BCKDHB: variants seen among roughly 807,000 people sequenced by gnomAD.
The protein encoded by BCKDHB is 2-oxoisovalerate dehydrogenase subunit beta, mitochondrial.
A neutral mutation model predicts 48.5 loss-of-function variants in BCKDHB; 41 were observed. The ratio of observed to expected loss-of-function variants is 0.85; its 90% confidence interval spans 0.66 to 1.10. The LOEUF is 1.10. BCKDHB is among the 50% of genes least tolerant of loss of function. The probability of loss-of-function intolerance (pLI) is 0.00; values close to 1 mark genes in which losing one functional copy is unlikely to be tolerated. For synonymous variants in BCKDHB, 201 were observed against 174.8 expected, an observed-to-expected ratio of 1.15 and a Z score of -1.18; for missense variants, 496 against 494.2, an observed-to-expected ratio of 1.00 and a Z score of -0.03.
At chr6:80,221,458 T>C (rs1775449567) in intron 8 of BCKDHB, among the ~76,000 whole-genome samples, 2 of 152,220 alleles carry the variant, frequency 1.3e-5, no homozygotes, top group South Asian at 4.1e-4. Context: ...TCTTATTTTT[T>C]AATAGGCAGC....
intron 9 of BCKDHB, among the ~76,000 whole-genome samples, chr6:80,307,180 C>T (rs1767924035): frequency 6.6e-6 from 1 of 152,138 alleles, no homozygotes; most frequent in Admixed American, 6.5e-5. Flanking sequence ...ATACAGACTG[C>T]AGTTAGAACC....
intron 9 of BCKDHB, among the ~76,000 whole-genome samples, chr6:80,320,293 C>A (rs905117400): frequency 2.3e-4 from 35 of 152,208 alleles, no homozygotes; most frequent in African/African-American, 8.2e-4. Context: ...TTGATAATTT[C>A]TTATTTCACC....
chr6:80,414,707 C>T, the BCKDHB span, among the ~76,000 whole-genome samples: 2 of 152,052 alleles, frequency 1.3e-5, no homozygotes, highest in Non-Finnish European at 1.5e-5. Flanking sequence ...CAGCCGTGTT[C>T]TTTTTGATTA....
At chr6:80,278,206 C>T (rs1002105413) in intron 9 of BCKDHB, among the ~76,000 whole-genome samples, 5 of 152,138 alleles carry the variant, frequency 3.3e-5, no homozygotes, top group African/African-American at 9.7e-5. Context: ...TGATACAAAA[C>T]CTTTCCTAAT....
At chr6:80,355,441 A>T in the BCKDHB span, 1 of 150,778 alleles carries the variant, frequency 6.6e-6, no homozygotes, top group African/African-American at 2.4e-5. Flanking sequence ...ACTTTGTGTA[A>T]ATTTGCCATA....
intron 3 of BCKDHB, among the ~76,000 whole-genome samples, chr6:80,145,725 C>A (rs912282385): frequency 6.6e-6 from 1 of 152,140 alleles, no homozygotes; most frequent in African/African-American, 2.4e-5. Context: ...CAGTAGTGGG[C>A]TGAAATATGC....
At chr6:80,114,993 A>G (rs1241802304) in intron 1 of BCKDHB, among the ~76,000 whole-genome samples, 1 of 152,208 alleles carries the variant, frequency 6.6e-6, no homozygotes, top group Non-Finnish European at 1.5e-5. Flanking sequence ...AGTCTCTTCA[A>G]CTTTACAGTT....
At chr6:80,252,340 G>A (rs572778077) in intron 8 of BCKDHB, among the ~76,000 whole-genome samples, 4 of 152,150 alleles carry the variant, frequency 2.6e-5, no homozygotes, top group South Asian at 2.1e-4. Context: ...CAATGTTATC[G>A]CTCAGATCAT....
intron 8 of BCKDHB, among the ~76,000 whole-genome samples, chr6:80,219,296 T>G (rs1195088760): frequency 6.6e-6 from 1 of 151,934 alleles, no homozygotes; most frequent in Non-Finnish European, 1.5e-5. Flanking sequence ...AACCTCTGCC[T>G]CCTGGGTTCA....
chr6:80,395,688 T>G, the BCKDHB span, among the ~76,000 whole-genome samples: 1 of 152,218 alleles, frequency 6.6e-6, no homozygotes, highest in Non-Finnish European at 1.5e-5. Flanking sequence ...AGGAGCTGAA[T>G]GTTAATTACC....
At chr6:80,413,776 CTA>C in the BCKDHB span, among the ~76,000 whole-genome samples, 2 of 152,214 alleles carry the variant, frequency 1.3e-5, no homozygotes, top group East Asian at 3.9e-4. Context: ...GCATGTTTCT[CTA>C]TGGTAGAACA....
intron 6 of BCKDHB, among the ~76,000 whole-genome samples, chr6:80,195,035 T>C (rs189046375): frequency 4.2e-4 from 64 of 152,318 alleles, no homozygotes; most frequent in African/African-American, 1.5e-3. Context: ...TGTCCAAACA[T>C]GCTCTCAATA....
At chr6:80,321,341 C>T (rs1768707817) in intron 9 of BCKDHB, among the ~76,000 whole-genome samples, 1 of 152,142 alleles carries the variant, frequency 6.6e-6, no homozygotes. Context: ...TGGGATCTTT[C>T]CTCAATTCTA....
intron 9 of BCKDHB, among the ~76,000 whole-genome samples, chr6:80,327,002 G>T (rs1211417604): frequency 1.3e-5 from 2 of 151,990 alleles, no homozygotes; most frequent in Non-Finnish European, 2.9e-5. Context: ...TGCCTTCTTT[G>T]TTATCGTAAG....
In BCKDHB at chr6:80,169,030, G is replaced by C. The variant is rs143427811; in HGVS notation, c.633G>C (p.Lys211Asn). ...TTTTTGCCCATTGCCCAGGAATCAAGGTATGTTCATTTATGTACTTTATTT... is the reference window on the plus strand; with the variant it reads ...TTTTTGCCCATTGCCCAGGAATCAACGTATGTTCATTTATGTACTTTATTT... ...EAFFAHCPGI[K>N]VVIPRSPFQA... The change falls in exon 5 of 10, where the codon AAG becomes AAC. Residue 211 changes from lysine (K) to asparagine (N), a missense_variant and splice_region_variant. Lys to Asn is a moderately conservative substitution (Grantham distance 94). Transcript: ENST00000320393. 253 of 1,613,628 alleles carry C rather than the reference G, an allele frequency of 1.6e-4. No homozygotes were observed. The African/African-American group carries it at 3.2e-3, about 21-fold the overall frequency.
At chr6:80,342,580 G>GAAAAAAAAAAAAAAAAAAAAAAAAA (rs1769969153) in intron 9 of BCKDHB, among the ~76,000 whole-genome samples, 1 of 102,582 alleles carries the variant, frequency 9.7e-6, no homozygotes, top group Non-Finnish European at 1.8e-5. Flanking sequence ...AAAAAAAAAA[G>GAAAAAAAAAAAAAAAAAAAAAAAAA]AAAGGGAAGA....
intron 3 of BCKDHB, among the ~76,000 whole-genome samples, chr6:80,137,321 T>C (rs1344768637): frequency 6.6e-6 from 1 of 152,206 alleles, no homozygotes; most frequent in African/African-American, 2.4e-5. Flanking sequence ...CTCAGAACTT[T>C]AGTTCTATAT....
the BCKDHB span, among the ~76,000 whole-genome samples, chr6:80,393,027 C>G: frequency 2.0e-5 from 3 of 151,890 alleles, no homozygotes; most frequent in African/African-American, 7.3e-5. Flanking sequence ...ACATGTCTCC[C>G]CCAATACCCT....
chr6:80,331,417 A>G (rs116294370), intron 9 of BCKDHB, among the ~76,000 whole-genome samples: 3,418 of 152,276 alleles, frequency 0.022, 138 homozygotes, highest in African/African-American at 0.076. Flanking sequence ...GCTCTCAGAC[A>G]CACAAAATGA....
Sources: allele counts gnomAD v4.1 joint callset (sites outside exome capture counted in the v4.1 genomes callset), GRCh38; gene constraint gnomAD v4.1.1; transcripts MANE v1.5; gene names NCBI Gene and HGNC (gene_info 2026-07-23, HGNC 2026-07-21).